Variants in IGSF10 observed in about 807,000 individuals in gnomAD.
IGSF10 encodes immunoglobulin superfamily member 10.
IGSF10 carries 126 observed loss-of-function variants against 128.2 expected under a neutral mutation model. The observed-to-expected ratio is 0.98, with a 90% CI of 0.85 to 1.14. IGSF10 has a LOEUF of 1.14. Among genes scored for constraint, IGSF10 ranks in the 50% most tolerant of loss-of-function variants. The probability of loss-of-function intolerance (pLI) is 0.00; values close to 1 mark genes in which losing one functional copy is unlikely to be tolerated. For missense variants in IGSF10, 3,295 were observed against 3,149.8 expected (o/e 1.05, Z -1.10); for synonymous variants, 1,185 against 1,146.2 (o/e 1.03, Z -0.68).
the IGSF10 span, among the ~76,000 whole-genome samples, chr3:151,492,676 C>T: frequency 6.6e-6 from 1 of 152,114 alleles, no homozygotes; most frequent in Non-Finnish European, 1.5e-5. Flanking sequence ...CAAGATCGCG[C>T]CACTGCACTC....
the IGSF10 span, among the ~76,000 whole-genome samples, chr3:151,478,697 G>A: frequency 1.3e-5 from 2 of 152,108 alleles, no homozygotes; most frequent in African/African-American, 4.8e-5. Flanking sequence ...AAATTCCAAT[G>A]CTCTATAAGA....
chr3:151,548,825 T>G, the IGSF10 span, among the ~76,000 whole-genome samples: 2 of 150,620 alleles, frequency 1.3e-5, no homozygotes, highest in African/African-American at 2.5e-5. Flanking sequence ...CTTCTTCTTT[T>G]TTTCTTTTAT....
the IGSF10 span, among the ~76,000 whole-genome samples, chr3:151,565,115 A>G: frequency 6.6e-6 from 1 of 152,172 alleles, no homozygotes; most frequent in Non-Finnish European, 1.5e-5. Context: ...AAAAACTCTG[A>G]AAGAACTCTC....
At chr3:151,584,685 A>G in the IGSF10 span, among the ~76,000 whole-genome samples, 1 of 152,128 alleles carries the variant, frequency 6.6e-6, no homozygotes, top group Admixed American at 6.6e-5. Context: ...TTTTAGCTTT[A>G]CCCCCTGGGG....
the IGSF10 span, among the ~76,000 whole-genome samples, chr3:151,595,798 A>G: frequency 6.6e-6 from 1 of 151,098 alleles, no homozygotes; most frequent in Non-Finnish European, 1.5e-5. Flanking sequence ...GGAGAAGGAG[A>G]AGGAGGAGGA....
chr3:151,481,837 G>A, the IGSF10 span, among the ~76,000 whole-genome samples: 1 of 152,058 alleles, frequency 6.6e-6, no homozygotes, highest in Non-Finnish European at 1.5e-5. Context: ...TAACTAAAGA[G>A]GATTCTTAAA....
rs1721324530 is a variant in IGSF10, at chr3:151,448,303, C to T, written c.1678G>A (p.Asp560Asn). 1 of 1,614,122 alleles carries T rather than the reference C, an allele frequency of 6.2e-7. No individual in the cohort carries two copies. Among genetic ancestry groups the T allele is most frequent in the Non-Finnish European group, 8.5e-7 (1 of 1,180,046 alleles). The change falls in exon 6 of 8, where the codon GAT becomes AAT. Residue 560 changes from aspartate (D) to asparagine (N), a missense_variant. Coordinates refer to ENST00000282466, the MANE Select transcript of IGSF10 (RefSeq NM_178822.5). ...HCISSNYDDADILTYRITVVE... is the reference protein window; with the variant it reads ...HCISSNYDDANILTYRITVVE... ...ACAGTTATCCTATAGGTGAGAATAT[C>T]TGCATCATCATAATTGCTGCTTATA...
the IGSF10 span, among the ~76,000 whole-genome samples, chr3:151,564,576 A>T: frequency 6.6e-6 from 1 of 152,170 alleles, no homozygotes; most frequent in African/African-American, 2.4e-5. Context: ...TGGAAATATT[A>T]GGCTGGACTG....
the IGSF10 span, among the ~76,000 whole-genome samples, chr3:151,560,824 G>A: frequency 6.6e-6 from 1 of 152,126 alleles, no homozygotes; most frequent in South Asian, 2.1e-4. Context: ...TAAGCTACAA[G>A]ATGTGTGAGC....
chr3:151,594,332 T>C, the IGSF10 span, among the ~76,000 whole-genome samples: 1 of 116,868 alleles, frequency 8.6e-6, no homozygotes, highest in Non-Finnish European at 1.8e-5. Flanking sequence ...TAAAAACTGC[T>C]TTTTTTTTTT....
chr3:151,508,588 CTA>C, the IGSF10 span, among the ~76,000 whole-genome samples: 1 of 152,088 alleles, frequency 6.6e-6, no homozygotes, highest in African/African-American at 2.4e-5. Context: ...GGTTAAATGA[CTA>C]TTGTTTTACA....
chr3:151,466,285 T>C, the IGSF10 span, among the ~76,000 whole-genome samples: 588 of 152,186 alleles, frequency 3.9e-3, 5 homozygotes, highest in South Asian at 0.025. Context: ...GTTCTCTTGA[T>C]TGTAAATGGA....
At chr3:151,513,425 CA>C in the IGSF10 span, among the ~76,000 whole-genome samples, 4 of 152,160 alleles carry the variant, frequency 2.6e-5, no homozygotes, top group African/African-American at 9.7e-5. Flanking sequence ...AACAACCCTT[CA>C]GGCTAAAAAC....
the IGSF10 span, among the ~76,000 whole-genome samples, chr3:151,619,877 AGTTTGGCT>A: frequency 6.6e-6 from 1 of 152,100 alleles, no homozygotes; most frequent in Non-Finnish European, 1.5e-5. Context: ...TTGTATAGTC[AGTTTGGCT>A]GTCTCTCTAA....
chr3:151,522,642 C>T, the IGSF10 span, among the ~76,000 whole-genome samples: 1 of 152,092 alleles, frequency 6.6e-6, no homozygotes, highest in Non-Finnish European at 1.5e-5. Flanking sequence ...ATTCAACACA[C>T]TTAATGTTAA....
the IGSF10 span, among the ~76,000 whole-genome samples, chr3:151,531,202 A>G: frequency 7.9e-5 from 12 of 152,186 alleles, no homozygotes; most frequent in African/African-American, 2.9e-4. Context: ...GTTCTGAGAG[A>G]CCTAAAAAGA....
the IGSF10 span, among the ~76,000 whole-genome samples, chr3:151,611,041 C>A: frequency 6.6e-6 from 1 of 152,152 alleles, no homozygotes; most frequent in African/African-American, 2.4e-5. Flanking sequence ...TCCAGCTAAT[C>A]TATAACTTTG....
the IGSF10 span, among the ~76,000 whole-genome samples, chr3:151,554,050 G>A: frequency 6.6e-6 from 1 of 151,912 alleles, no homozygotes; most frequent in Non-Finnish European, 1.5e-5. Flanking sequence ...AGAGGCTGAG[G>A]CAGGAGGATT....
the IGSF10 span, among the ~76,000 whole-genome samples, chr3:151,579,057 G>C: frequency 1.3e-5 from 2 of 152,130 alleles, no homozygotes; most frequent in African/African-American, 4.8e-5. Flanking sequence ...CACAGAAAAA[G>C]ACTAAAGTCA....
Sources: gnomAD v4.1 joint callset for allele counts (sites outside exome capture counted in the v4.1 genomes callset) on GRCh38, gnomAD v4.1.1 for gene constraint, MANE v1.5 for transcripts, NCBI Gene and HGNC (gene_info 2026-07-23, HGNC 2026-07-21) for gene names.